Variants in NYAP2 observed in about 807,000 individuals in gnomAD.
NYAP2 encodes neuronal tyrosine-phosphorylated phosphoinositide-3-kinase adapter 2.
A neutral mutation model predicts 50.4 loss-of-function variants in NYAP2; 23 were observed. The observed-to-expected ratio is 0.46, with a 90% CI of 0.33 to 0.65. NYAP2 has a LOEUF of 0.65. Among genes scored for constraint, NYAP2 ranks in the 30% least tolerant of loss-of-function variants. The pLI is 0.02. For synonymous variants in NYAP2, 394 were observed against 365.2 expected (o/e 1.08, Z -0.90); for missense variants, 885 against 861.0 (o/e 1.03, Z -0.35).
At chr2:225,529,910 T>C (rs532288386) in intron 4 of NYAP2, among the ~76,000 whole-genome samples, 2 of 152,122 alleles carry the variant, frequency 1.3e-5, no homozygotes, top group South Asian at 4.2e-4. Context: ...GGTTTCACCA[T>C]GTTGGCCAGG....
At chr2:225,624,250 T>G (rs1300743020) in intron 5 of NYAP2, among the ~76,000 whole-genome samples, 8 of 152,192 alleles carry the variant, frequency 5.3e-5, no homozygotes, top group Non-Finnish European at 1.5e-5. Context: ...CTAAATTAAG[T>G]TTGTCTAAAG....
chr2:225,560,867 A>C (rs1574678608), intron 4 of NYAP2, among the ~76,000 whole-genome samples: 1 of 151,252 alleles, frequency 6.6e-6, no homozygotes, highest in Admixed American at 6.6e-5. Flanking sequence ...CCTAGCTTTT[A>C]TAAATAAATT....
At chr2:225,616,254 G>A (rs1407413262) in intron 5 of NYAP2, among the ~76,000 whole-genome samples, 1 of 152,146 alleles carries the variant, frequency 6.6e-6, no homozygotes, top group Non-Finnish European at 1.5e-5. Flanking sequence ...GCATCCCTTG[G>A]ATGTAAGAAT....
the NYAP2 span, among the ~76,000 whole-genome samples, chr2:225,683,018 C>G: frequency 5.3e-5 from 8 of 152,206 alleles, no homozygotes; most frequent in South Asian, 4.1e-4. Context: ...TTTCCCCCCC[C>G]CATTCTGTTC....
At chr2:225,575,714 A>G (rs1692158798) in intron 4 of NYAP2, among the ~76,000 whole-genome samples, 1 of 152,204 alleles carries the variant, frequency 6.6e-6, no homozygotes, top group Non-Finnish European at 1.5e-5. Context: ...GAGAAGAAAT[A>G]GACTCCACTT....
chr2:225,578,361 T>C (rs922181982), intron 4 of NYAP2, among the ~76,000 whole-genome samples: 1 of 152,104 alleles, frequency 6.6e-6, no homozygotes, highest in East Asian at 1.9e-4. Context: ...GGAAGAAGCT[T>C]GCCTAGATAA....
At chr2:225,573,541 C>T (rs1298112823) in intron 4 of NYAP2, among the ~76,000 whole-genome samples, 5 of 152,046 alleles carry the variant, frequency 3.3e-5, no homozygotes, top group African/African-American at 1.2e-4. Flanking sequence ...TGAGCCACCA[C>T]GCCTGGCCCC....
At chr2:225,403,203 T>A (rs1694891158) in intron 2 of NYAP2, among the ~76,000 whole-genome samples, 1 of 151,992 alleles carries the variant, frequency 6.6e-6, no homozygotes, top group South Asian at 2.1e-4. Context: ...ATGCAATGAT[T>A]GGAGTAGGAA....
At chr2:225,511,789 A>G (rs1394367603) in intron 3 of NYAP2, among the ~76,000 whole-genome samples, 2 of 152,204 alleles carry the variant, frequency 1.3e-5, no homozygotes, top group Admixed American at 1.3e-4. Context: ...TTAAAATCAT[A>G]ACAAACATTG....
chr2:225,513,709 T>G, intron 4 of NYAP2, 37 bp downstream of exon 4: 178 of 1,437,256 alleles, frequency 1.2e-4, no homozygotes, highest in Middle Eastern at 1.9e-4. Context: ...TAGAAATCTC[T>G]TTCAGATAGT....
chr2:225,462,655 C>G (rs1689851519), intron 3 of NYAP2, among the ~76,000 whole-genome samples: 1 of 152,148 alleles, frequency 6.6e-6, no homozygotes, highest in Non-Finnish European at 1.5e-5. Context: ...ACATTGAAAT[C>G]CCTGACTTCG....
chr2:225,663,513 C>T, the NYAP2 span, among the ~76,000 whole-genome samples: 1 of 152,104 alleles, frequency 6.6e-6, no homozygotes, highest in Non-Finnish European at 1.5e-5. Context: ...CATTCACCTG[C>T]TACACCTCAG....
At chr2:225,701,179 TA>T in the NYAP2 span, 1 of 151,824 alleles carries the variant, frequency 6.6e-6, no homozygotes, top group African/African-American at 2.4e-5. Context: ...AGTGTTTCTC[TA>T]AATGGAGAAA....
At chr2:225,565,794 C>A (rs369784273) in intron 4 of NYAP2, among the ~76,000 whole-genome samples, 2 of 151,990 alleles carry the variant, frequency 1.3e-5, no homozygotes, top group Non-Finnish European at 2.9e-5. Context: ...AACAAGGCTT[C>A]GTAAAGTTAG....
chr2:225,689,735 A>G, the NYAP2 span, among the ~76,000 whole-genome samples: 3 of 152,290 alleles, frequency 2.0e-5, no homozygotes, highest in South Asian at 6.2e-4. Flanking sequence ...ACAATTAAAG[A>G]AATACATGAT....
the NYAP2 span, among the ~76,000 whole-genome samples, chr2:225,661,739 T>G: frequency 6.6e-6 from 1 of 151,608 alleles, no homozygotes; most frequent in Non-Finnish European, 1.5e-5. Context: ...TTTTTTTTTT[T>G]CTGAGGCGGA....
chr2:225,443,898 T>C (rs955636297), intron 3 of NYAP2, among the ~76,000 whole-genome samples: 1 of 152,236 alleles, frequency 6.6e-6, no homozygotes, highest in Non-Finnish European at 1.5e-5. Context: ...TGAGTCGACA[T>C]ACTTTTCCAA....
intron 3 of NYAP2, among the ~76,000 whole-genome samples, chr2:225,443,606 TA>T (rs921529486): frequency 6.7e-5 from 10 of 148,860 alleles, no homozygotes; most frequent in Non-Finnish European, 1.3e-4. Context: ...CTGTCTAAAA[TA>T]AAAAAAAAGA....
intron 3 of NYAP2, among the ~76,000 whole-genome samples, chr2:225,456,060 T>A (rs1030508460): frequency 2.0e-5 from 3 of 152,224 alleles, no homozygotes; most frequent in African/African-American, 7.2e-5. Flanking sequence ...TATCTAAGCA[T>A]ACAAAAATCA....
Sources: allele counts gnomAD v4.1 joint callset (sites outside exome capture counted in the v4.1 genomes callset), GRCh38; gene constraint gnomAD v4.1.1; transcripts MANE v1.5; gene names NCBI Gene and HGNC (gene_info 2026-07-23, HGNC 2026-07-21).